CHRM3: variants seen among roughly 807,000 people sequenced by gnomAD.
The protein encoded by CHRM3 is cholinergic receptor muscarinic 3.
A neutral mutation model predicts 41.8 loss-of-function variants in CHRM3; 11 were observed. That is an observed-to-expected ratio of 0.26 (90% CI 0.17 to 0.44). The LOEUF is 0.44. CHRM3 is among the 20% of genes least tolerant of loss of function. The pLI, the probability that CHRM3 is intolerant of heterozygous loss-of-function variation, is 1.00. For synonymous variants in CHRM3, 297 were observed against 301.4 expected (o/e 0.99, Z 0.15); for missense variants, 571 against 745.4 (o/e 0.77, Z 2.72).
intron 3 of CHRM3, among the ~76,000 whole-genome samples, chr1:239,589,940 TGTAA>T (rs1018461716): frequency 1.3e-5 from 2 of 152,132 alleles, no homozygotes; most frequent in African/African-American, 2.4e-5. Context: ...TAGTGATAAA[TGTAA>T]GTGCTTTTAT....
At chr1:239,506,228 G>A (rs1205133878) in intron 2 of CHRM3, among the ~76,000 whole-genome samples, 1 of 152,140 alleles carries the variant, frequency 6.6e-6, no homozygotes, top group Admixed American at 6.5e-5. Flanking sequence ...AGACAATGGG[G>A]AAAATGTCTC....
chr1:239,405,977 C>A (rs1437954723), intron 1 of CHRM3, among the ~76,000 whole-genome samples: 1 of 152,086 alleles, frequency 6.6e-6, no homozygotes, highest in Middle Eastern at 3.2e-3. Flanking sequence ...CTGCAACCTC[C>A]GCCTCCCGGG....
chr1:239,564,921 G>T (rs1481052000), intron 3 of CHRM3, among the ~76,000 whole-genome samples: 6 of 152,136 alleles, frequency 3.9e-5, no homozygotes, highest in African/African-American at 7.2e-5. Flanking sequence ...CAGATATGGA[G>T]GACAGAGGCC....
At chr1:239,389,425 T>C (rs1658825931) in intron 1 of CHRM3, among the ~76,000 whole-genome samples, 1 of 152,192 alleles carries the variant, frequency 6.6e-6, no homozygotes. Flanking sequence ...TTTAGGCATG[T>C]GTAAAAGTTC....
intron 2 of CHRM3, among the ~76,000 whole-genome samples, chr1:239,511,209 A>C (rs1668896339): frequency 6.6e-6 from 1 of 152,222 alleles, no homozygotes; most frequent in South Asian, 2.1e-4. Flanking sequence ...ACAACTGTGA[A>C]GACCAGCTAG....
intron 1 of CHRM3, among the ~76,000 whole-genome samples, chr1:239,411,868 C>G (rs1361745417): frequency 2.0e-5 from 3 of 151,650 alleles, no homozygotes; most frequent in Admixed American, 2.0e-4. Flanking sequence ...GTGCACGATC[C>G]CCAATTTCTA....
intron 6 of CHRM3, among the ~76,000 whole-genome samples, chr1:239,828,610 C>T (rs1200639263): frequency 6.6e-6 from 1 of 152,076 alleles, no homozygotes. Flanking sequence ...GGTGCAAAAG[C>T]CTGAGGTGGG....
At chr1:239,859,825 A>ATATATATTTT (rs1201186713) in intron 6 of CHRM3, among the ~76,000 whole-genome samples, 88 of 38,472 alleles carry the variant, frequency 2.3e-3, no homozygotes, top group African/African-American at 4.0e-3. Context: ...TGTTTTATAT[A>ATATATATTTT]TATATATATA....
At chr1:239,404,410 A>AAGAAAAAGAAAGAAAG in intron 1 of CHRM3, among the ~76,000 whole-genome samples, 1 of 51,758 alleles carries the variant, frequency 1.9e-5, no homozygotes. Flanking sequence ...GAAAGAAAGA[A>AAGAAAAAGAAAGAAAG]AAAGAAAGAA....
chr1:239,862,855 A>G (rs990878326), intron 6 of CHRM3, among the ~76,000 whole-genome samples: 1 of 152,222 alleles, frequency 6.6e-6, no homozygotes, highest in Admixed American at 6.5e-5. Flanking sequence ...GAAATCAAAG[A>G]ACACTTTAGA....
chr1:239,758,238 G>A (rs577561139), intron 5 of CHRM3, among the ~76,000 whole-genome samples: 18 of 152,256 alleles, frequency 1.2e-4, no homozygotes, highest in Non-Finnish European at 4.4e-5. Flanking sequence ...AGTTAGGATA[G>A]AGCCTTTTAC....
intron 5 of CHRM3, among the ~76,000 whole-genome samples, chr1:239,742,035 T>A (rs945038338): frequency 6.6e-6 from 1 of 152,154 alleles, no homozygotes; most frequent in Non-Finnish European, 1.5e-5. Flanking sequence ...CAAAGCCTTT[T>A]CACACTGCAG....
At position 239,413,059 on chromosome 1, in the gene CHRM3, AGAGC is replaced by A. The variant is rs547426611; in HGVS notation, c.-521+25836_-521+25839del. 6.3e-3 allele frequency among the ~76,000 whole-genome samples: 952 copies of A among 150,180 alleles called. 12 individuals carry two copies. Among genetic ancestry groups the A allele is most frequent in the African/African-American group, 0.022 (897 of 40,724 alleles). On this transcript the variant is annotated intron_variant, in intron 1 of 6. Coordinates refer to ENST00000676153, the MANE Select transcript of CHRM3 (RefSeq NM_001375978.1). ...CGTCACTCCATTCCAGCCTGGTGACAGAGCGAGACTCCATGTCAAAAAACAAAAA... is the reference window on the plus strand; with the variant it reads ...CGTCACTCCATTCCAGCCTGGTGACAGAGACTCCATGTCAAAAAACAAAAA...
intron 6 of CHRM3, among the ~76,000 whole-genome samples, chr1:239,869,837 G>T (rs941076375): frequency 6.6e-6 from 1 of 152,150 alleles, no homozygotes; most frequent in African/African-American, 2.4e-5. Flanking sequence ...CTTATCGATG[G>T]AGTATTCATT....
intron 2 of CHRM3, among the ~76,000 whole-genome samples, chr1:239,545,438 A>G (rs1241739574): frequency 2.0e-5 from 3 of 152,196 alleles, no homozygotes. Flanking sequence ...CACCCGTGTA[A>G]CCAAAAACCA....
intron 6 of CHRM3, among the ~76,000 whole-genome samples, chr1:239,849,539 T>G (rs1674530477): frequency 1.3e-5 from 2 of 152,198 alleles, no homozygotes; most frequent in African/African-American, 4.8e-5. Context: ...AAATATAACA[T>G]TTGTATCAAA....
At chr1:239,616,194 C>T (rs1012229734) in intron 3 of CHRM3, among the ~76,000 whole-genome samples, 2 of 152,196 alleles carry the variant, frequency 1.3e-5, no homozygotes, top group Admixed American at 6.5e-5. Context: ...TTGACCTCCT[C>T]ACTCAGCAAA....
intron 4 of CHRM3, among the ~76,000 whole-genome samples, chr1:239,654,588 G>A (rs562917661): frequency 1.6e-4 from 24 of 152,188 alleles, no homozygotes; most frequent in African/African-American, 5.5e-4. Context: ...TAGTGGAGAC[G>A]GGGTTTTACC....
chr1:239,759,263 G>A (rs1572201280), intron 5 of CHRM3, among the ~76,000 whole-genome samples: 1 of 121,106 alleles, frequency 8.3e-6, no homozygotes, highest in South Asian at 2.9e-4. Flanking sequence ...GAATATATAT[G>A]TATATACACA....
Sources: allele counts gnomAD v4.1 joint callset (sites outside exome capture counted in the v4.1 genomes callset), GRCh38; gene constraint gnomAD v4.1.1; transcripts MANE v1.5; gene names NCBI Gene and HGNC (gene_info 2026-07-23, HGNC 2026-07-21).